The following FGF14 variants were observed in gnomAD, a reference collection of about 807,000 sequenced individuals.
FGF14 encodes fibroblast growth factor 14.
FGF14 carries 5 observed loss-of-function variants against 25.5 expected under a neutral mutation model. That is an observed-to-expected ratio of 0.20 (90% CI 0.10 to 0.41). FGF14 has a LOEUF of 0.41. Ranked by LOEUF, FGF14 falls within the 10% of genes least tolerant of loss-of-function variation. The probability of loss-of-function intolerance (pLI) is 1.00; values close to 1 mark genes in which losing one functional copy is unlikely to be tolerated. For synonymous variants in FGF14, 138 were observed against 118.3 expected, an observed-to-expected ratio of 1.17 and a Z score of -1.08; for missense variants, 222 against 320.1, an observed-to-expected ratio of 0.69 and a Z score of 2.34.
Position 101,714,903 on chromosome 13 carries a change from C to A in FGF14, c.*7928G>T, listed in dbSNP as rs1340981518. On this transcript the variant is annotated 3_prime_UTR_variant, in exon 5 of 5. Coordinates refer to ENST00000376143, the MANE Select transcript of FGF14 (RefSeq NM_004115.4). ...AACATGGTATAGGGAATGAAATATTCTTTTAAACAGAATCTGGGTACCACT... is the reference window on the plus strand; with the variant it reads ...AACATGGTATAGGGAATGAAATATTATTTTAAACAGAATCTGGGTACCACT... 2 of 226,850 alleles carry A rather than the reference C, an allele frequency of 8.8e-6. No homozygotes were observed. Among genetic ancestry groups the A allele is most frequent in the South Asian group, 8.5e-5 (1 of 11,748 alleles). The allele number at this position is 226,850 out of a possible 1,614,324, so 14.1% of individuals were successfully genotyped here. A position where few individuals can be genotyped will look rare whatever the true frequency, so the allele number is the denominator to read the frequency against.
chr13:102,076,256 C>T (rs1243282864), intron 1 of FGF14, among the ~76,000 whole-genome samples: 1 of 152,066 alleles, frequency 6.6e-6, no homozygotes, highest in African/African-American at 2.4e-5. Context: ...AGGTGTATCA[C>T]TTTTTAATCT....
intron 1 of FGF14, among the ~76,000 whole-genome samples, chr13:102,024,395 G>A (rs755450391): frequency 1.3e-5 from 2 of 151,910 alleles, no homozygotes; most frequent in Non-Finnish European, 2.9e-5. Flanking sequence ...CAGTTTTCTT[G>A]TGTTTATTGG....
intron 1 of FGF14, among the ~76,000 whole-genome samples, chr13:101,928,395 GGTGT>G (rs149758126): frequency 0.015 from 2,251 of 147,992 alleles, 109 homozygotes; most frequent in Admixed American, 0.11. Flanking sequence ...AACTTGCTGT[GGTGT>G]GTGTGTGTGT....
chr13:102,267,149 A>G (rs1393794893), intron 1 of FGF14, among the ~76,000 whole-genome samples: 1 of 152,034 alleles, frequency 6.6e-6, no homozygotes, highest in African/African-American at 2.4e-5. Context: ...TTGTAATTTT[A>G]TTTTATTATT....
chr13:101,894,442 A>C (rs913333725), intron 1 of FGF14, among the ~76,000 whole-genome samples: 2 of 152,134 alleles, frequency 1.3e-5, no homozygotes, highest in African/African-American at 4.8e-5. Context: ...GAACTCCCCC[A>C]GTCAGGGCAA....
At chr13:102,038,590 T>C (rs559540532) in intron 1 of FGF14, among the ~76,000 whole-genome samples, 1 of 152,290 alleles carries the variant, frequency 6.6e-6, no homozygotes, top group East Asian at 1.9e-4. Flanking sequence ...GGGATGTTCC[T>C]AAACCTGCAA....
At chr13:101,951,851 C>T (rs1375272151) in intron 1 of FGF14, among the ~76,000 whole-genome samples, 1 of 152,148 alleles carries the variant, frequency 6.6e-6, no homozygotes, top group Non-Finnish European at 1.5e-5. Context: ...ATCCTCTTTT[C>T]AATCCTTAAA....
At chr13:101,870,711 C>T (rs562149306) in intron 2 of FGF14, among the ~76,000 whole-genome samples, 15 of 152,168 alleles carry the variant, frequency 9.9e-5, no homozygotes, top group African/African-American at 2.9e-4. Context: ...CCCAGCACTT[C>T]GGGAAGCCGA....
At chr13:102,285,602 ACT>A (rs1448434435) in intron 1 of FGF14, among the ~76,000 whole-genome samples, 1 of 152,138 alleles carries the variant, frequency 6.6e-6, no homozygotes, top group Admixed American at 6.5e-5. Context: ...TTCTTCACAA[ACT>A]CTCTACATTT....
intron 1 of FGF14, among the ~76,000 whole-genome samples, chr13:102,399,547 G>C (rs1336666): frequency 6.6e-6 from 1 of 152,222 alleles, no homozygotes; most frequent in East Asian, 1.9e-4. Flanking sequence ...TAGTGTTGCA[G>C]ATGTAAGTTG....
At chr13:102,316,309 G>T (rs1274797263) in intron 1 of FGF14, among the ~76,000 whole-genome samples, 1 of 152,160 alleles carries the variant, frequency 6.6e-6, no homozygotes, top group East Asian at 1.9e-4. Context: ...ACCAACAATA[G>T]TCTCTCAACA....
rs2034473725 is a variant in FGF14 at position 101,711,694 on chromosome 13, C to A, written c.*11137G>T. Reference sequence around the variant, plus strand: ...ATTCTCATCTTTGAAGGTAAAATTTCATTTCTTTCCCCTTCCTATGTCCTA... The same window carrying A: ...ATTCTCATCTTTGAAGGTAAAATTTAATTTCTTTCCCCTTCCTATGTCCTA... On this transcript the variant is annotated 3_prime_UTR_variant, in exon 5 of 5. Transcript: ENST00000376143. 1 of 152,168 alleles carries A rather than the reference C, an allele frequency of 6.6e-6. No homozygotes were observed. The highest frequency in any genetic ancestry group is 1.5e-5 in the Non-Finnish European group (1 of 68,036). The allele number at this position is 152,168 out of a possible 1,614,324, so 9.4% of individuals were successfully genotyped here. A position where few individuals can be genotyped will look rare whatever the true frequency, so the allele number is the denominator to read the frequency against.
intron 3 of FGF14, among the ~76,000 whole-genome samples, chr13:101,746,464 G>T (rs1053977722): frequency 6.6e-6 from 1 of 151,926 alleles, no homozygotes; most frequent in South Asian, 2.1e-4. Flanking sequence ...GCTCAGTGGT[G>T]CTTCCCCCCA....
chr13:101,966,496 T>G (rs1181778152), intron 1 of FGF14, among the ~76,000 whole-genome samples: 2 of 151,760 alleles, frequency 1.3e-5, no homozygotes, highest in African/African-American at 4.8e-5. Flanking sequence ...TGTTTTTGTT[T>G]TTTTGAGACA....
chr13:101,783,901 G>A (rs2039660339), intron 3 of FGF14, among the ~76,000 whole-genome samples: 2 of 152,180 alleles, frequency 1.3e-5, no homozygotes, highest in African/African-American at 4.8e-5. Context: ...CATATGGCTA[G>A]TGAGTTATCC....
intron 1 of FGF14, among the ~76,000 whole-genome samples, chr13:102,321,056 C>T (rs2056224162): frequency 6.6e-6 from 1 of 152,158 alleles, no homozygotes; most frequent in Non-Finnish European, 1.5e-5. Context: ...ATTGGAATGT[C>T]TGATTCCTGC....
intron 1 of FGF14, among the ~76,000 whole-genome samples, chr13:101,964,844 T>C (rs17687798): frequency 0.19 from 28,422 of 152,136 alleles, 2,965 homozygotes; most frequent in Admixed American, 0.31. Context: ...CTTTCCCTGA[T>C]AGAGAAACTC....
chr13:101,962,925 G>T (rs990411052), intron 1 of FGF14, among the ~76,000 whole-genome samples: 2 of 152,214 alleles, frequency 1.3e-5, no homozygotes, highest in African/African-American at 2.4e-5. Context: ...TTGCACATGG[G>T]AAGTGGAATT....
At chr13:102,111,688 C>T (rs654363) in intron 1 of FGF14, among the ~76,000 whole-genome samples, 5 of 150,248 alleles carry the variant, frequency 3.3e-5, no homozygotes. Flanking sequence ...TGTACTCTAG[C>T]CTGGGCAACA....
Sources: gnomAD v4.1 joint callset for allele counts (sites outside exome capture counted in the v4.1 genomes callset) on GRCh38, gnomAD v4.1.1 for gene constraint, MANE v1.5 for transcripts, NCBI Gene and HGNC (gene_info 2026-07-23, HGNC 2026-07-21) for gene names.